PRKAR1B: variants seen among roughly 807,000 people sequenced by gnomAD.
PRKAR1B encodes the protein cAMP-dependent protein kinase type I-beta regulatory subunit.
Under a neutral mutation model 46.5 loss-of-function variants are expected in PRKAR1B, and 22 were observed. The observed-to-expected ratio is 0.47, with a 90% confidence interval of 0.34 to 0.68. The LOEUF is 0.68. Among genes scored for constraint, PRKAR1B ranks in the 30% least tolerant of loss-of-function variants. The probability of loss-of-function intolerance (pLI) is 0.01; values close to 1 mark genes in which losing one functional copy is unlikely to be tolerated. For synonymous variants in PRKAR1B, 259 were observed against 217.7 expected, an observed-to-expected ratio of 1.19 and a Z score of -1.67; for missense variants, 445 against 535.6, an observed-to-expected ratio of 0.83 and a Z score of 1.67.
intron 9 of PRKAR1B, among the ~76,000 whole-genome samples, chr7:569,494 C>G (rs572990930): frequency 6.6e-6 from 1 of 152,234 alleles, no homozygotes; most frequent in African/African-American, 2.4e-5. Context: ...GTGACGTGCC[C>G]GGGACACAGC....
chr7:661,575 C>G (rs1376833803), intron 4 of PRKAR1B, among the ~76,000 whole-genome samples: 3 of 39,478 alleles, frequency 7.6e-5, no homozygotes. Flanking sequence ...AGGTCCCCAC[C>G]CCAACGGGTC....
At position 666,643 on chromosome 7, in the gene PRKAR1B, T is replaced by A. The variant is rs1445497429; in HGVS notation, c.440+10586A>T. Among the ~76,000 whole-genome samples the A allele has an allele frequency of 6.6e-6, 1 of 152,162 alleles. No individual in the cohort carries two copies. Among genetic ancestry groups the A allele is most frequent in the African/African-American group, 2.4e-5 (1 of 41,446 alleles). ...CCTCTCACTGGGTCTCAGAGCTCTG[T>A]TCAGTACAGTGAGGTGGGGACAAGG... On this transcript the variant is annotated intron_variant, in intron 4 of 10. Transcript: ENST00000537384. This position sits in a 1 kb window ranked among gnomAD's most constrained non-coding sequence, Gnocchi z 4.9.
chr7:665,785 C>T (rs1785880765), intron 4 of PRKAR1B, among the ~76,000 whole-genome samples: 1 of 152,224 alleles, frequency 6.6e-6, no homozygotes, highest in Non-Finnish European at 1.5e-5. Flanking sequence ...CTCCCTTCAG[C>T]TGCCCGTGAA....
intron 4 of PRKAR1B, among the ~76,000 whole-genome samples, chr7:664,806 C>T (rs561062482): frequency 3.3e-4 from 50 of 151,750 alleles, no homozygotes; most frequent in African/African-American, 1.1e-3. Flanking sequence ...CCCAGCTAGT[C>T]GGGAGGCTGA....
intron 4 of PRKAR1B, among the ~76,000 whole-genome samples, chr7:653,080 G>A (rs748440394): frequency 1.2e-4 from 18 of 152,142 alleles, no homozygotes; most frequent in South Asian, 2.1e-4. Flanking sequence ...AGAAGGACCC[G>A]CTCCCAGTGG....
intron 2 of PRKAR1B, among the ~76,000 whole-genome samples, chr7:684,754 C>T (rs974922588): frequency 3.3e-5 from 5 of 152,084 alleles, no homozygotes; most frequent in Non-Finnish European, 7.4e-5. Flanking sequence ...AGTGGAAATT[C>T]CCAAACTACA....
chr7:641,387 A>G (rs562774447), intron 4 of PRKAR1B, among the ~76,000 whole-genome samples: 2 of 152,352 alleles, frequency 1.3e-5, no homozygotes, highest in Non-Finnish European at 2.9e-5. Context: ...TAATAGCTCC[A>G]AACAGAAAAC....
In PRKAR1B at chr7:593,769, TG is replaced by T. The variant is rs1274723898; in HGVS notation, c.708+2376del. Among the ~76,000 whole-genome samples the T allele has an allele frequency of 3.3e-5, 5 of 152,168 alleles. No homozygotes were observed. Among genetic ancestry groups the T allele is most frequent in the Non-Finnish European group, 7.4e-5 (5 of 68,014 alleles). On this transcript the variant is annotated intron_variant, in intron 7 of 10. Transcript: ENST00000537384. The surrounding 1 kb of genome is among the most constrained non-coding windows in gnomAD (Gnocchi z 6.1). ...GAGCGTGCAACTCCTCCCAGGAGGCTGCACATCATCTGTTCTGTGTACTGGA... is the reference window on the plus strand; with the variant it reads ...GAGCGTGCAACTCCTCCCAGGAGGCTCACATCATCTGTTCTGTGTACTGGA...
intron 1 of PRKAR1B, among the ~76,000 whole-genome samples, chr7:715,873 G>T (rs111688258): frequency 3.3e-5 from 5 of 151,444 alleles, no homozygotes; most frequent in African/African-American, 9.7e-5. Context: ...CCGCCACCGC[G>T]CCCGGCTAAT....
rs767803212 is a variant in PRKAR1B, at chr7:593,687, C to A, written c.708+2459G>T. Among the ~76,000 whole-genome samples, 3 of 152,158 alleles carry A rather than the reference C, an allele frequency of 2.0e-5. No homozygotes were observed. The highest frequency in any genetic ancestry group is 1.9e-4 in the East Asian group (1 of 5,174). The stretch of plus-strand genomic sequence containing the variant: ...GGTGTCTCAGGGGACCCCTCCCACG[C>A]GGCGACAGAGGCCTCCCAGTGAAGG... On this transcript the variant is annotated intron_variant, in intron 7 of 10. Transcript: ENST00000537384. The surrounding 1 kb of genome is among the most constrained non-coding windows in gnomAD (Gnocchi z 6.1).
At chr7:662,194 C>T (rs182986752) in intron 4 of PRKAR1B, among the ~76,000 whole-genome samples, 62 of 100,610 alleles carry the variant, frequency 6.2e-4, no homozygotes, top group African/African-American at 2.0e-3. Context: ...TACTCTCCCC[C>T]CCATGGCACA....
intron 4 of PRKAR1B, among the ~76,000 whole-genome samples, chr7:673,067 AAAAAAAAAAAAC>A (rs1786365558): frequency 7.0e-6 from 1 of 142,946 alleles, no homozygotes. Context: ...AAAAAAAAAA[AAAAAAAAAAAAC>A]ACACACACAC....
chr7:641,253 G>A (rs778939446), intron 4 of PRKAR1B, among the ~76,000 whole-genome samples: 1 of 152,050 alleles, frequency 6.6e-6, no homozygotes, highest in African/African-American at 2.4e-5. Flanking sequence ...CGCCCGGCCG[G>A]AAAAGAGAAT....
At chr7:555,284 G>C (rs1184821516) in intron 9 of PRKAR1B, among the ~76,000 whole-genome samples, 3 of 152,272 alleles carry the variant, frequency 2.0e-5, no homozygotes, top group East Asian at 3.9e-4. Context: ...GAGCCCCCAC[G>C]GGGCTGCTGT....
At chr7:614,250 T>C (rs1782681105) in intron 4 of PRKAR1B, among the ~76,000 whole-genome samples, 1 of 152,216 alleles carries the variant, frequency 6.6e-6, no homozygotes, top group African/African-American at 2.4e-5. Context: ...CAGCAGCATA[T>C]ACGACAGGAT....
Position 669,867 on chromosome 7 carries a change from A to AT in PRKAR1B, c.440+7361dup, listed in dbSNP as rs570284003. 4.8e-3 allele frequency among the ~76,000 whole-genome samples: 626 copies of AT among 131,428 alleles called. 13 individuals are homozygous for AT. Among genetic ancestry groups the AT allele is most frequent in the Admixed American group, 6.9e-3 (88 of 12,670 alleles). The allele number at this position is 131,428 out of a possible 152,430, so 86.2% of individuals were successfully genotyped here. On this transcript the variant is annotated intron_variant, in intron 4 of 10. Transcript: ENST00000537384. ...GCTGGTGGGCAGGTCCACGTGCCAT[A>AT]TTTTTTTTTTTTTTTTGAGACGGAG...
At chr7:587,340 G>A (rs1780658582) in intron 7 of PRKAR1B, among the ~76,000 whole-genome samples, 1 of 152,218 alleles carries the variant, frequency 6.6e-6, no homozygotes, top group African/African-American at 2.4e-5. Flanking sequence ...CCTGGACAGG[G>A]GTGGGGGCTG....
intron 9 of PRKAR1B, among the ~76,000 whole-genome samples, chr7:555,204 G>A (rs1778351686): frequency 1.3e-5 from 2 of 152,236 alleles, no homozygotes; most frequent in Admixed American, 6.5e-5. Context: ...GGGACTGGAC[G>A]TGCCCCGCTC....
chr7:683,847 C>T (rs1232571635), intron 2 of PRKAR1B, among the ~76,000 whole-genome samples: 7 of 152,232 alleles, frequency 4.6e-5, no homozygotes, highest in African/African-American at 1.4e-4. Flanking sequence ...TCACCCAGCC[C>T]GATGTGGCCG....
Sources: gnomAD v4.1 joint callset for allele counts (sites outside exome capture counted in the v4.1 genomes callset) on GRCh38, gnomAD v4.1.1 for gene constraint, Gnocchi (gnomAD v3.1) non-coding constraint, MANE v1.5 for transcripts, NCBI Gene and HGNC (gene_info 2026-07-23, HGNC 2026-07-21) for gene names.